Variants in SLC49A3 observed in about 807,000 individuals in gnomAD.
The protein encoded by SLC49A3 is solute carrier family 49 member 3.
Under a neutral mutation model 43.8 loss-of-function variants are expected in SLC49A3, and 50 were observed. The observed-to-expected ratio is 1.14, with a 90% CI of 0.91 to 1.45. SLC49A3 has a LOEUF of 1.45. Among genes scored for constraint, SLC49A3 ranks in the 40% most tolerant of loss-of-function variants. SLC49A3 has a pLI of 0.00. For synonymous variants in SLC49A3, 413 were observed against 352.0 expected, an observed-to-expected ratio of 1.17 and a Z score of -1.94; for missense variants, 906 against 774.1, an observed-to-expected ratio of 1.17 and a Z score of -2.02.
At chr4:677,843 TGTGA>T (rs1739000451), downstream of SLC49A3, 3 of 939,816 alleles carry the variant, frequency 3.2e-6, no homozygotes, top group Admixed American at 3.8e-5. Flanking sequence ...AGGGCAAGGG[TGTGA>T]GTCACTGCCA....
Position 682,144 on chromosome 4 carries a change from TAGC to T in SLC49A3, c.1491_1493del (p.Leu498del), listed in dbSNP as rs1739840978. 7.5e-7 allele frequency: 1 copy of T among 1,340,836 alleles called. No homozygotes were observed. Among genetic ancestry groups the T allele is most frequent in the Non-Finnish European group, 9.7e-7 (1 of 1,034,588 alleles). 83.1% of individuals were successfully genotyped at this position (1,340,836 alleles called of 1,614,324 possible). ...GGCTCCCGGGCCCTCTGGGGTCCTC[TAGC>T]GAGGCCCCCCTCGCCGTGCACTCCG... is the stretch of plus-strand genomic sequence containing the variant. On this transcript the variant is annotated inframe_deletion, in exon 10 of 10. Transcript: ENST00000322224.
chr4:678,830 T>TG, downstream of SLC49A3: 1 of 1,607,588 alleles, frequency 6.2e-7, no homozygotes, highest in Non-Finnish European at 8.5e-7. Flanking sequence ...AGACCCCATG[T>TG]GGGCTGGCTC....
downstream of SLC49A3, chr4:677,015 T>G (rs765559768): frequency 1.8e-4 from 143 of 809,942 alleles, 1 homozygote; most frequent in Non-Finnish European, 2.1e-4. Context: ...GGCACCTGTC[T>G]TTTTAGCCTT....
chr4:686,651 C>T lies in SLC49A3; in HGVS notation c.175G>A (p.Glu59Lys), dbSNP rs1741101135. The change falls in exon 2 of 10, where the codon GAG (glutamate) becomes AAG (lysine). Residue 59 changes from glutamate (E) to lysine (K), a missense_variant. By Grantham distance (56) the Glu-to-Lys change is moderately conservative (BLOSUM62 1). Transcript: ENST00000322224. Reference protein sequence around the residue: ...SFAPVADVIAEDLVLSMEQIN... With the variant: ...SFAPVADVIAKDLVLSMEQIN... ...TGCTCCATGGACAGGACCAAGTCCT[C>T]AGCAATGACGTCAGCCACAGGTGCA... 1 of 1,613,236 alleles carries T rather than the reference C, an allele frequency of 6.2e-7. No individual in the cohort carries two copies. Among genetic ancestry groups the T allele is most frequent in the Non-Finnish European group, 8.5e-7 (1 of 1,179,926 alleles).
upstream of SLC49A3, chr4:689,247 G>A (rs1741643764): frequency 1.2e-5 from 7 of 601,364 alleles, no homozygotes; most frequent in South Asian, 4.8e-4. Flanking sequence ...GGGCCACGGG[G>A]GGCCAGTTCC....
Position 682,839 on chromosome 4 carries a change from T to C in SLC49A3, c.1203A>G (p.Arg401=), listed in dbSNP as rs779290096. The C allele has an allele frequency of 1.2e-6, 2 of 1,604,434 alleles. No homozygotes were observed. The highest frequency in any genetic ancestry group is 1.7e-5 in the Admixed American group (1 of 59,702). Residue 401 remains arginine (R), a synonymous_variant, in exon 9 of 10, where the codon CGA becomes CGG. Coordinates refer to ENST00000322224, the MANE Select transcript of SLC49A3 (RefSeq NM_032219.4). ...AGGTGGACAAGGACGGCTCCGAGCG[T>C]CGCACAGTCAGTGCCGTCATTGCCA... ...IMLAMTALTV[R]RSEPSLSTCQ...
At chr4:680,688 T>C (rs1189972408), downstream of SLC49A3, 2 of 1,218,818 alleles carry the variant, frequency 1.6e-6, no homozygotes, top group African/African-American at 3.0e-5. Flanking sequence ...CACGCCCACC[T>C]CCCCACCTCT....
downstream of SLC49A3, among the ~76,000 whole-genome samples, chr4:681,591 GCCGCCGCCGCC>G: frequency 7.2e-6 from 1 of 139,152 alleles, no homozygotes; most frequent in East Asian, 2.1e-4. Context: ...TGTGGCTGCA[GCCGCCGCCGCC>G]CCGCCCCCTC....
At position 685,908 on chromosome 4, in the gene SLC49A3, T is replaced by C. The variant is rs1740911970; in HGVS notation, c.512A>G (p.Asn171Ser). 7 of 1,613,854 alleles carry C rather than the reference T, an allele frequency of 4.3e-6. No individual in the cohort carries two copies. The highest frequency in any genetic ancestry group is 5.9e-6 in the Non-Finnish European group (7 of 1,179,986). Residue 171 changes from asparagine to serine, a missense_variant, in exon 4 of 10, where the codon AAC (asparagine) becomes AGC (serine). Coordinates refer to ENST00000322224, the MANE Select transcript of SLC49A3 (RefSeq NM_032219.4). This position sits in a 1 kb window ranked among gnomAD's most constrained non-coding sequence, Gnocchi z 4.3. The part of the protein sequence containing the change: ...ATANMLATMS[N>S]PLGVLVANVL... ...ATTGGCCACAAGGACGCCCAGAGGGTTCGCTGGGTGGGCGGATGCACAAAG... is the reference window on the plus strand; with the variant it reads ...ATTGGCCACAAGGACGCCCAGAGGGCTCGCTGGGTGGGCGGATGCACAAAG...
chr4:678,819 A>G, downstream of SLC49A3: 4 of 1,608,844 alleles, frequency 2.5e-6, no homozygotes, highest in East Asian at 6.7e-5. Flanking sequence ...CTGTGCTGGG[A>G]AGACCCCATG....
At chr4:686,459 C>T (rs1741056500) in intron 2 of SLC49A3, 73 bp downstream of exon 2, 2 of 1,570,808 alleles carry the variant, frequency 1.3e-6, no homozygotes, top group Non-Finnish European at 1.7e-6. Context: ...CTGGGGAGGC[C>T]TTGACTCTCC....
rs1202325897 is a variant in SLC49A3, at chr4:682,782, TGTCCA to T, written c.1255_1259del (p.Trp419SerfsTer40). On this transcript the variant is annotated frameshift_variant and splice_region_variant, in exon 9 of 10. Coordinates refer to ENST00000322224, the MANE Select transcript of SLC49A3 (RefSeq NM_032219.4). LOFTEE classifies it low-confidence loss of function (END_TRUNC). ...GGGGACTCCCCATGTGAGGCTCACC[TGTCCA>T]GTCAAGTGGATCCTCCCCCTGCTGG... 10 of 1,576,244 alleles carry T rather than the reference TGTCCA, an allele frequency of 6.3e-6. No individual in the cohort carries two copies. Among genetic ancestry groups the T allele is most frequent in the African/African-American group, 5.4e-5 (4 of 74,432 alleles).
chr4:681,657 GCCGCCCCGCCCCC>G (rs1739612786), downstream of SLC49A3, among the ~76,000 whole-genome samples: 2 of 10,116 alleles, frequency 2.0e-4, no homozygotes, highest in Non-Finnish European at 3.7e-4. Context: ...CCCCTCCAGC[GCCGCCCCGCCCCC>G]TCCAGCGCCG....
At chr4:681,620 G>T (rs1268420955), downstream of SLC49A3, among the ~76,000 whole-genome samples, 18 of 29,118 alleles carry the variant, frequency 6.2e-4, no homozygotes, top group Admixed American at 3.9e-3. Flanking sequence ...CTCCAGCGCC[G>T]CCCCGCCCCC....
intron 9 of SLC49A3, among the ~76,000 whole-genome samples, 189 bp downstream of exon 9, chr4:682,592 G>A (rs555989733): frequency 3.3e-5 from 5 of 152,304 alleles, no homozygotes; most frequent in African/African-American, 1.2e-4. Flanking sequence ...GGGTGTGCCA[G>A]CCCCATCTCT....
chr4:686,394 G>T, intron 2 of SLC49A3, 92 bp from the exon 3 acceptor site: 1 of 1,573,004 alleles, frequency 6.4e-7, no homozygotes, highest in Non-Finnish European at 8.6e-7. Context: ...TCCCACTGCC[G>T]CCACCTCGAC....
intron 1 of SLC49A3, among the ~76,000 whole-genome samples, chr4:688,634 T>C (rs1330022591): frequency 6.6e-6 from 1 of 152,106 alleles, no homozygotes; most frequent in East Asian, 1.9e-4. Flanking sequence ...GCGCCTCTGC[T>C]GTGTGCCTGC....
chr4:682,429 G>A (rs1236392119), intron 9 of SLC49A3, 53 bp from the exon 10 acceptor site: 8 of 1,311,676 alleles, frequency 6.1e-6, no homozygotes, highest in Non-Finnish European at 7.8e-6. Flanking sequence ...GGCCACAGAT[G>A]GGCAGAGCCC....
chr4:687,544 C>A (rs1488235691), intron 1 of SLC49A3, among the ~76,000 whole-genome samples: 1 of 152,202 alleles, frequency 6.6e-6, no homozygotes, highest in East Asian at 1.9e-4. Flanking sequence ...GAGAGAAAGC[C>A]CACCCTGCGG....
Sources: gnomAD v4.1 joint callset for allele counts (sites outside exome capture counted in the v4.1 genomes callset) on GRCh38, gnomAD v4.1.1 for gene constraint, Gnocchi (gnomAD v3.1) non-coding constraint, MANE v1.5 for transcripts, NCBI Gene and HGNC (gene_info 2026-07-23, HGNC 2026-07-21) for gene names.